SMARCA4: variants seen among roughly 807,000 people sequenced by gnomAD.
The protein encoded by SMARCA4 is SWI/SNF related BAF chromatin remodeling complex subunit ATPase 4, also known as SWI/SNF-related matrix-associated actin-dependent regulator of chromatin subfamily A member 4.
A neutral mutation model predicts 193.9 loss-of-function variants in SMARCA4; 31 were observed. The ratio of observed to expected loss-of-function variants is 0.16; its 90% CI spans 0.12 to 0.22. The LOEUF is 0.22. Among genes scored for constraint, SMARCA4 ranks in the 10% least tolerant of loss-of-function variants. The pLI, the probability that SMARCA4 is intolerant of heterozygous loss-of-function variation, is 1.00. For missense variants in SMARCA4, 1,148 were observed against 2,296.0 expected (o/e 0.50, Z 10.22); for synonymous variants, 942 against 933.1 (o/e 1.01, Z -0.17).
At chr19:11,061,204 A>AAAAAAAAAAAATATAT (rs1555797070) in intron 34 of SMARCA4, among the ~76,000 whole-genome samples, 2 of 45,226 alleles carry the variant, frequency 4.4e-5, no homozygotes, top group African/African-American at 1.1e-4. Flanking sequence ...AAAAAAAAAA[A>AAAAAAAAAAAATATAT]ATATATATAT....
At chr19:10,999,193 A>G (rs1219213087) in intron 11 of SMARCA4, among the ~76,000 whole-genome samples, 1 of 152,010 alleles carries the variant, frequency 6.6e-6, no homozygotes, top group Non-Finnish European at 1.5e-5. Flanking sequence ...GACATGAGCC[A>G]CTATGCCTGG....
chr19:10,979,701 A>G (rs150892733), intron 1 of SMARCA4, among the ~76,000 whole-genome samples: 2 of 149,958 alleles, frequency 1.3e-5, no homozygotes, highest in African/African-American at 2.4e-5. Context: ...ATTATATGTT[A>G]TAAGTATATA....
Position 11,034,765 on chromosome 19 carries a change from T to C in SMARCA4, c.3952-149T>C, listed in dbSNP as rs2075161110. On this transcript the variant is annotated intron_variant, in intron 28 of 34. Transcript: ENST00000344626. This position sits in a 1 kb window ranked among gnomAD's most constrained non-coding sequence, Gnocchi z 7.0. The stretch of plus-strand genomic sequence containing the variant: ...GACGGAGCCAGGCCAGGTCAGCCAC[T>C]GAAAAATCGAGAGCTACTGTTTAAC... The C allele has an allele frequency of 2.9e-6, 2 of 692,046 alleles. No homozygotes were observed. Among genetic ancestry groups the C allele is most frequent in the South Asian group, 3.0e-5 (2 of 65,618 alleles). 42.9% of individuals were successfully genotyped at this position (692,046 alleles called of 1,614,324 possible).
chr19:10,968,725 C>T (rs952823422), intron 1 of SMARCA4, among the ~76,000 whole-genome samples: 4 of 152,154 alleles, frequency 2.6e-5, no homozygotes, highest in Non-Finnish European at 5.9e-5. Context: ...GCTGATGTGA[C>T]AGTTGCTGCT....
rs769501334 is a variant in SMARCA4 at position 11,030,963 on chromosome 19, C to T, written c.3546+70C>T. 10 of 1,463,508 alleles carry T rather than the reference C, an allele frequency of 6.8e-6. No individual in the cohort carries two copies. In the South Asian group the frequency reaches 1.1e-4, roughly 16 times the overall value. 90.7% of individuals were successfully genotyped at this position (1,463,508 alleles called of 1,614,324 possible). A position where few individuals can be genotyped will look rare whatever the true frequency, so the allele number is the denominator to read the frequency against. ...CCTGCAAAACCTCGAGGAGACGGCC[C>T]TGGCTTGAGGGTCCTCCAGCCTCCT... On this transcript the variant is annotated intron_variant, in intron 25 of 34. Transcript: ENST00000344626. The surrounding 1 kb of genome is among the most constrained non-coding windows in gnomAD (Gnocchi z 5.5).
chr19:10,966,089 TCTC>T (rs771064766), intron 1 of SMARCA4, among the ~76,000 whole-genome samples: 34 of 148,792 alleles, frequency 2.3e-4, no homozygotes, highest in Non-Finnish European at 3.4e-4. Context: ...TTCAAGCAAT[TCTC>T]CTGCCTCAGC....
At chr19:10,998,438 G>GGA (rs1168341064) in intron 11 of SMARCA4, among the ~76,000 whole-genome samples, 2 of 151,880 alleles carry the variant, frequency 1.3e-5, no homozygotes, top group East Asian at 3.8e-4. Flanking sequence ...TACCCTGTAG[G>GGA]GAGATACTTG....
chr19:11,014,174 G>A (rs2089138075), intron 16 of SMARCA4, among the ~76,000 whole-genome samples: 2 of 152,154 alleles, frequency 1.3e-5, no homozygotes, highest in Non-Finnish European at 2.9e-5. Context: ...CTACAGCCAC[G>A]AGTCAGCAGC....
intron 21 of SMARCA4, 46 bp from the exon 22 acceptor site, chr19:11,025,376 C>A (rs2146493700): frequency 7.3e-7 from 1 of 1,373,552 alleles, no homozygotes; most frequent in South Asian, 1.2e-5. Flanking sequence ...CCACCCCACC[C>A]CAGGAGGGCA....
At chr19:10,965,326 A>G (rs569780973) in intron 1 of SMARCA4, 9 of 152,364 alleles carry the variant, frequency 5.9e-5, no homozygotes, top group Admixed American at 4.6e-4. Context: ...TTGCTGCAAG[A>G]GCTGAACAAC....
intron 32 of SMARCA4, among the ~76,000 whole-genome samples, chr19:11,059,522 C>T (rs2076735561): frequency 6.6e-6 from 1 of 152,248 alleles, no homozygotes; most frequent in Non-Finnish European, 1.5e-5. Context: ...TGTGCCTGAC[C>T]TTTCACCCTG....
intron 1 of SMARCA4, among the ~76,000 whole-genome samples, chr19:10,981,930 G>A (rs2085582668): frequency 6.6e-6 from 1 of 152,166 alleles, no homozygotes; most frequent in Admixed American, 6.5e-5. Context: ...CAAGGCTGCA[G>A]TGGGCTATGA....
rs757682544 is a variant in SMARCA4, at chr19:10,996,486, A to G, written c.1762-8A>G. 1 of 1,614,160 alleles carries G rather than the reference A, an allele frequency of 6.2e-7. No individual in the cohort carries two copies. The highest frequency in any genetic ancestry group is 8.5e-7 in the Non-Finnish European group (1 of 1,180,002). ...TCAGGGCCTGACCGTGTCTCTCTCT[A>G]TTTCCAGAAGGCAGAAAATGCAGAA... On this transcript the variant is annotated splice_region_variant and splice_polypyrimidine_tract_variant and intron_variant, in intron 10 of 34. Coordinates refer to ENST00000344626, the MANE Select transcript of SMARCA4 (RefSeq NM_003072.5).
In SMARCA4 at chr19:10,985,249, G is replaced by T. The variant is rs745559947; in HGVS notation, c.223-24G>T. 78 of 1,613,508 alleles carry T rather than the reference G, an allele frequency of 4.8e-5. 4 individuals carry two copies. In the South Asian group the frequency reaches 7.6e-4, roughly 16 times the overall value. ...ACCTCACGTTCCACATGCTGACCCT[G>T]CCTTGCCATGGTCCCTCTCGCAGCC... On this transcript the variant is annotated intron_variant, in intron 2 of 34. Coordinates refer to ENST00000344626, the MANE Select transcript of SMARCA4 (RefSeq NM_003072.5). The surrounding 1 kb of genome is among the most constrained non-coding windows in gnomAD (Gnocchi z 4.5).
intron 21 of SMARCA4, among the ~76,000 whole-genome samples, chr19:11,025,221 C>T (rs1009799510): frequency 6.6e-6 from 1 of 152,202 alleles, no homozygotes; most frequent in Non-Finnish European, 1.5e-5. Context: ...CTGTGCCAGG[C>T]AGTCATTTGT....
At chr19:10,996,107 C>T (rs1193286294) in intron 9 of SMARCA4, 106 bp from the exon 10 acceptor site, 9 of 1,113,590 alleles carry the variant, frequency 8.1e-6, no homozygotes, top group Middle Eastern at 2.0e-4. Context: ...ACGGCACCCG[C>T]GTGAGCTACG....
chr19:10,993,050 A>G (rs1483744269), intron 8 of SMARCA4, among the ~76,000 whole-genome samples: 1 of 139,254 alleles, frequency 7.2e-6, no homozygotes, highest in African/African-American at 2.8e-5. Context: ...CAGTGGCACG[A>G]TCTCCACTCA....
intron 13 of SMARCA4, among the ~76,000 whole-genome samples, chr19:11,006,052 G>A (rs570533636): frequency 6.6e-6 from 1 of 152,302 alleles, no homozygotes; most frequent in Non-Finnish European, 1.5e-5. Flanking sequence ...CAAGTGATCT[G>A]TAAAATCATT....
At chr19:11,039,578 G>C in intron 29 of SMARCA4, 2 of 1,434,584 alleles carry the variant, frequency 1.4e-6, no homozygotes, top group South Asian at 2.5e-5. Flanking sequence ...GGTGGTGGGT[G>C]GCGCTGAGGG....
Sources: gnomAD v4.1 joint callset for allele counts (sites outside exome capture counted in the v4.1 genomes callset) on GRCh38, gnomAD v4.1.1 for gene constraint, Gnocchi (gnomAD v3.1) non-coding constraint, MANE v1.5 for transcripts, NCBI Gene and HGNC (gene_info 2026-07-23, HGNC 2026-07-21) for gene names.